Variants in CABCOCO1 observed in about 807,000 individuals in gnomAD.
The protein encoded by CABCOCO1 is ciliary-associated calcium-binding coiled-coil protein 1.
CABCOCO1 carries 28 observed loss-of-function variants against 35.7 expected under a neutral mutation model. That is an observed-to-expected ratio of 0.78 (90% CI 0.58 to 1.07). The LOEUF (loss-of-function observed/expected upper bound fraction) is 1.07, where lower values mean the gene tolerates loss of function less well. CABCOCO1 is among the 50% of genes least tolerant of loss of function. The pLI is 0.00. For missense variants in CABCOCO1, 326 were observed against 309.2 expected (o/e 1.05, Z -0.41); for synonymous variants, 95 against 100.1 (o/e 0.95, Z 0.30).
chr10:61,720,499 A>C (rs1840978011), intron 5 of CABCOCO1, among the ~76,000 whole-genome samples: 1 of 152,216 alleles, frequency 6.6e-6, no homozygotes, highest in Non-Finnish European at 1.5e-5. Flanking sequence ...GTTTTTAAAA[A>C]ATCTACTTGT....
chr10:61,674,038 T>G (rs1217567688), intron 2 of CABCOCO1, among the ~76,000 whole-genome samples: 1 of 152,114 alleles, frequency 6.6e-6, no homozygotes, highest in Non-Finnish European at 1.5e-5. Context: ...TAGCAGACAT[T>G]TTATACAGTT....
intron 5 of CABCOCO1, among the ~76,000 whole-genome samples, chr10:61,759,772 G>A (rs2132092082): frequency 6.6e-6 from 1 of 152,048 alleles, no homozygotes; most frequent in South Asian, 2.1e-4. Context: ...CAGGAGAAGG[G>A]GGATACTGAA....
intron 7 of CABCOCO1, among the ~76,000 whole-genome samples, chr10:61,761,989 C>T (rs1842019215): frequency 6.6e-6 from 1 of 152,086 alleles, no homozygotes; most frequent in South Asian, 2.1e-4. Flanking sequence ...AGTGGAAGAA[C>T]ACGTTTTACA....
In CABCOCO1 at chr10:61,766,095, T is replaced by G. The variant is rs991359438; in HGVS notation, c.*82T>G. On this transcript the variant is annotated 3_prime_UTR_variant, in exon 8 of 8. Coordinates refer to ENST00000648843, the MANE Select transcript of CABCOCO1 (RefSeq NM_001366906.2). ...GAATAACAGACTCTCTGGAGCGTCGTGTCTCCATCACTTAGTTGTGAAAGG... is the reference window on the plus strand; with the variant it reads ...GAATAACAGACTCTCTGGAGCGTCGGGTCTCCATCACTTAGTTGTGAAAGG... The G allele has an allele frequency of 3.2e-6, 4 of 1,255,366 alleles. No homozygotes were observed. In the African/African-American group the frequency reaches 6.1e-5, roughly 19 times the overall value. The allele number at this position is 1,255,366 out of a possible 1,614,324, so 77.8% of individuals were successfully genotyped here.
chr10:61,667,608 T>C (rs945053220), intron 1 of CABCOCO1, among the ~76,000 whole-genome samples: 3 of 151,878 alleles, frequency 2.0e-5, no homozygotes, highest in Non-Finnish European at 4.4e-5. Flanking sequence ...ATAGATACTA[T>C]ACCTTTCTCA....
intron 5 of CABCOCO1, 76 bp downstream of exon 5, chr10:61,690,697 T>G: frequency 1.1e-6 from 1 of 898,488 alleles, no homozygotes; most frequent in East Asian, 2.5e-5. Flanking sequence ...GATCTTTAAC[T>G]GCTTAAAGCA....
intron 4 of CABCOCO1, among the ~76,000 whole-genome samples, chr10:61,688,455 C>A (rs1012888642): frequency 1.3e-5 from 2 of 152,154 alleles, no homozygotes; most frequent in African/African-American, 4.8e-5. Flanking sequence ...TACCAAATTT[C>A]CTCCCCCACA....
chr10:61,762,804 A>G (rs78405511), intron 7 of CABCOCO1, among the ~76,000 whole-genome samples: 3,980 of 152,198 alleles, frequency 0.026, 82 homozygotes, highest in Middle Eastern at 0.054. Context: ...CAAAAACCAC[A>G]TAACTTCTAA....
chr10:61,666,343 T>G (rs566957012), intron 1 of CABCOCO1, among the ~76,000 whole-genome samples: 1 of 152,348 alleles, frequency 6.6e-6, no homozygotes, highest in East Asian at 1.9e-4. Flanking sequence ...GTGAACACAT[T>G]GTAATCACAT....
rs193025860 is a variant in CABCOCO1, at chr10:61,709,248, A to G, written c.552+18627A>G. Among the ~76,000 whole-genome samples, 669 of 152,242 alleles carry G rather than the reference A, an allele frequency of 4.4e-3. 6 individuals carry two copies. Among genetic ancestry groups the G allele is most frequent in the African/African-American group, 0.016 (650 of 41,548 alleles). ...AGGTTCCTCAAAAGAGGCTCCCCAAATCCTTTTTAATGGGATACATCAACT... is the reference window on the plus strand; with the variant it reads ...AGGTTCCTCAAAAGAGGCTCCCCAAGTCCTTTTTAATGGGATACATCAACT... On this transcript the variant is annotated intron_variant, in intron 5 of 7. Coordinates refer to ENST00000648843, the MANE Select transcript of CABCOCO1 (RefSeq NM_001366906.2).
At chr10:61,723,609 G>A (rs1841074858) in intron 5 of CABCOCO1, among the ~76,000 whole-genome samples, 1 of 152,160 alleles carries the variant, frequency 6.6e-6, no homozygotes, top group African/African-American at 2.4e-5. Context: ...GGGCCAGCAT[G>A]CTTAGCTTTT....
chr10:61,709,263 A>T (rs1589134187), intron 5 of CABCOCO1, among the ~76,000 whole-genome samples: 1 of 152,132 alleles, frequency 6.6e-6, no homozygotes, highest in Non-Finnish European at 1.5e-5. Flanking sequence ...TTTTAATGGG[A>T]TACATCAACT....
intron 2 of CABCOCO1, among the ~76,000 whole-genome samples, chr10:61,679,700 A>G (rs112777048): frequency 2.6e-5 from 4 of 152,316 alleles, no homozygotes; most frequent in Admixed American, 6.5e-5. Context: ...AAGAATATGC[A>G]TTCCAGGACA....
chr10:61,680,572 AT>A (rs1839712713), intron 2 of CABCOCO1, among the ~76,000 whole-genome samples: 1 of 107,288 alleles, frequency 9.3e-6, no homozygotes, highest in East Asian at 2.7e-4. Context: ...ATTTGTATAT[AT>A]TATGTTATAT....
chr10:61,716,137 T>A (rs926112265), intron 5 of CABCOCO1, among the ~76,000 whole-genome samples: 54 of 152,196 alleles, frequency 3.5e-4, no homozygotes, highest in Non-Finnish European at 5.9e-4. Flanking sequence ...AGTTTTCCTA[T>A]AATTTTTTAA....
chr10:61,713,641 G>A (rs1840786370), intron 5 of CABCOCO1, among the ~76,000 whole-genome samples: 1 of 152,188 alleles, frequency 6.6e-6, no homozygotes, highest in African/African-American at 2.4e-5. Flanking sequence ...GATATTGGCT[G>A]TGGGTTTGTC....
intron 5 of CABCOCO1, among the ~76,000 whole-genome samples, chr10:61,748,422 A>G (rs1005162368): frequency 6.6e-6 from 1 of 152,218 alleles, no homozygotes; most frequent in Non-Finnish European, 1.5e-5. Context: ...TGGAAATTTA[A>G]AAAACAAAAA....
intron 5 of CABCOCO1, among the ~76,000 whole-genome samples, chr10:61,730,562 A>G (rs1387235188): frequency 6.6e-6 from 1 of 152,082 alleles, no homozygotes; most frequent in Admixed American, 6.6e-5. Flanking sequence ...TGAATGATCA[A>G]AGAGTGCTGA....
intron 7 of CABCOCO1, among the ~76,000 whole-genome samples, chr10:61,762,949 A>T (rs1189060865): frequency 1.3e-5 from 2 of 151,888 alleles, no homozygotes; most frequent in Non-Finnish European, 2.9e-5. Flanking sequence ...CCTATTTTAG[A>T]TGTGTAGGTT....
Sources: allele counts gnomAD v4.1 joint callset (sites outside exome capture counted in the v4.1 genomes callset), GRCh38; gene constraint gnomAD v4.1.1; transcripts MANE v1.5; gene names NCBI Gene and HGNC (gene_info 2026-07-23, HGNC 2026-07-21).